Variants in PCDHGA10 observed in about 807,000 individuals in gnomAD.
The protein encoded by PCDHGA10 is protocadherin gamma-A10.
PCDHGA10 carries 42 observed loss-of-function variants against 59.5 expected under a neutral mutation model. The observed-to-expected ratio is 0.71, with a 90% CI of 0.55 to 0.91. PCDHGA10 has a LOEUF of 0.91. Ranked by LOEUF, PCDHGA10 falls within the 40% of genes least tolerant of loss-of-function variation. The probability of loss-of-function intolerance (pLI) is 0.00; values close to 1 mark genes in which losing one functional copy is unlikely to be tolerated. For missense variants in PCDHGA10, 1,111 were observed against 1,198.2 expected (o/e 0.93, Z 1.07); for synonymous variants, 511 against 517.2 (o/e 0.99, Z 0.16).
chr5:141,414,638 A>C lies in PCDHGA10; in HGVS notation c.1463A>C (p.Asn488Thr), dbSNP rs539861509. The C allele has an allele frequency of 7.8e-5, 126 of 1,613,988 alleles. 1 individual carries two copies. In the South Asian group the frequency reaches 1.3e-3, roughly 17 times the overall value. Reference protein sequence around the residue: ...VTALDPDSKENAQIIYSLAED... With the variant: ...VTALDPDSKETAQIIYSLAED... ...GCGCTGGACCCGGACAGCAAAGAGA[A>C]TGCCCAGATTATTTACTCCCTGGCT... The change falls in exon 1 of 4, where the codon AAT (asparagine) becomes ACT (threonine). Residue 488 changes from asparagine to threonine, a missense_variant. Asn to Thr is a moderately conservative substitution (Grantham distance 65). Coordinates refer to ENST00000398610, the MANE Select transcript of PCDHGA10 (RefSeq NM_018913.3).
chr5:141,474,608 T>C (rs1469173973), intron 1 of PCDHGA10, among the ~76,000 whole-genome samples: 1 of 152,268 alleles, frequency 6.6e-6, no homozygotes, highest in Non-Finnish European at 1.5e-5. Flanking sequence ...AGGTCACATA[T>C]GGCTTTTCAT....
rs950537869 is a variant in PCDHGA10, at chr5:141,432,150, A to G, written c.2436+16539A>G. 6.2e-7 allele frequency: 1 copy of G among 1,614,010 alleles called. No homozygotes were observed. On this transcript the variant is annotated intron_variant, in intron 1 of 3. Coordinates refer to ENST00000398610, the MANE Select transcript of PCDHGA10 (RefSeq NM_018913.3). The surrounding 1 kb of genome is among the most constrained non-coding windows in gnomAD (Gnocchi z 6.0). ...TCCTATTCCGCTTATATCCCAGAGA[A>G]CAATCCCAGAGGAGTTTCCCTCGTC...
intron 1 of PCDHGA10, among the ~76,000 whole-genome samples, chr5:141,481,293 TC>T (rs2099535148): frequency 6.6e-6 from 1 of 152,174 alleles, no homozygotes; most frequent in South Asian, 2.1e-4. Context: ...ATTTCAGTCA[TC>T]TAAGGGAAAA....
At position 141,491,456 on chromosome 5, in the gene PCDHGA10, C is replaced by G; in HGVS notation, c.2437-3351C>G. On this transcript the variant is annotated intron_variant, in intron 1 of 3. Transcript: ENST00000398610. The surrounding 1 kb of genome is among the most constrained non-coding windows in gnomAD (Gnocchi z 6.9). Reference sequence around the variant, plus strand: ...TGCAGGCGCCAGGACTCACCCTCCCCGGACTTCTATAAGCAGTCCAGCCCC... The same window carrying G: ...TGCAGGCGCCAGGACTCACCCTCCCGGGACTTCTATAAGCAGTCCAGCCCC... 1 of 1,614,104 alleles carries G rather than the reference C, an allele frequency of 6.2e-7. No homozygotes were observed. The highest frequency in any genetic ancestry group is 8.5e-7 in the Non-Finnish European group (1 of 1,180,010).
intron 1 of PCDHGA10, among the ~76,000 whole-genome samples, chr5:141,439,557 A>C (rs766239185): frequency 1.2e-4 from 19 of 152,178 alleles, no homozygotes; most frequent in Non-Finnish European, 2.2e-4. Context: ...TTCAGGCTGC[A>C]GTTCTAGAGT....
chr5:141,508,928 G>A (rs1475005703), intron 3 of PCDHGA10, among the ~76,000 whole-genome samples: 1 of 152,076 alleles, frequency 6.6e-6, no homozygotes, highest in East Asian at 1.9e-4. Flanking sequence ...TCCTTTTGGA[G>A]TTAATTAGGG....
rs758993148 is a variant in PCDHGA10 at position 141,430,863 on chromosome 5, T to C, written c.2436+15252T>C. On this transcript the variant is annotated intron_variant, in intron 1 of 3. Transcript: ENST00000398610. Reference sequence around the variant, plus strand: ...GGATGCACCCAGATACGCTATTCAGTTCCGGAAGAGCTGGAGAAAGGCTCT... The same window carrying C: ...GGATGCACCCAGATACGCTATTCAGCTCCGGAAGAGCTGGAGAAAGGCTCT... 8 of 1,594,990 alleles carry C rather than the reference T, an allele frequency of 5.0e-6. No individual in the cohort carries two copies. In the South Asian group the frequency reaches 8.0e-5, roughly 16 times the overall value.
intron 1 of PCDHGA10, chr5:141,422,082 G>A (rs2096622921): frequency 6.2e-7 from 1 of 1,612,284 alleles, no homozygotes; most frequent in East Asian, 2.2e-5. Context: ...TTCGGAACAT[G>A]GAAAGCAAGG....
intron 1 of PCDHGA10, among the ~76,000 whole-genome samples, chr5:141,484,764 A>G (rs1469048336): frequency 6.6e-6 from 1 of 151,806 alleles, no homozygotes; most frequent in African/African-American, 2.4e-5. Flanking sequence ...ATATATATAT[A>G]TGTTGTCTGC....
chr5:141,431,685 A>C lies in PCDHGA10; in HGVS notation c.2436+16074A>C. The C allele has an allele frequency of 6.2e-7, 1 of 1,614,246 alleles. No homozygotes were observed. Among genetic ancestry groups the C allele is most frequent in the East Asian group, 2.2e-5 (1 of 44,876 alleles). ...ATATCAACAATAGGGGAGTTGGACCACGAGGAGTCAGGATTCTACCAGATG... is the reference window on the plus strand; with the variant it reads ...ATATCAACAATAGGGGAGTTGGACCCCGAGGAGTCAGGATTCTACCAGATG... On this transcript the variant is annotated intron_variant, in intron 1 of 3. Transcript: ENST00000398610. This position sits in a 1 kb window ranked among gnomAD's most constrained non-coding sequence, Gnocchi z 4.8.
chr5:141,455,616 A>G (rs2154565146), intron 1 of PCDHGA10, among the ~76,000 whole-genome samples: 1 of 152,244 alleles, frequency 6.6e-6, no homozygotes, highest in South Asian at 2.1e-4. Flanking sequence ...GGATGTTCTA[A>G]ACACGTGGAG....
chr5:141,419,137 CA>C (rs1561778370), intron 1 of PCDHGA10: 1 of 1,613,892 alleles, frequency 6.2e-7, no homozygotes, highest in African/African-American at 1.3e-5. Flanking sequence ...CAGCCACAGA[CA>C]GGGGCAAGCC....
At position 141,489,503 on chromosome 5, in the gene PCDHGA10, A is replaced by T; in HGVS notation, c.2437-5304A>T. 1 of 1,614,092 alleles carries T rather than the reference A, an allele frequency of 6.2e-7. No homozygotes were observed. ...ATGAGTGGTGCCCTGGCAGTGAATC[A>T]AAAGATTGACCGAGAAAGCCTATGT... is the stretch of plus-strand genomic sequence containing the variant. On this transcript the variant is annotated intron_variant, in intron 1 of 3. Transcript: ENST00000398610. The surrounding 1 kb of genome is among the most constrained non-coding windows in gnomAD (Gnocchi z 4.5).
chr5:141,436,068 T>A (rs1343785335), intron 1 of PCDHGA10, among the ~76,000 whole-genome samples: 1 of 152,190 alleles, frequency 6.6e-6, no homozygotes, highest in Non-Finnish European at 1.5e-5. Flanking sequence ...ATTTAATAAG[T>A]ACAGTGTTCT....
intron 1 of PCDHGA10, among the ~76,000 whole-genome samples, chr5:141,457,674 A>G (rs577008886): frequency 2.9e-4 from 44 of 152,256 alleles, no homozygotes; most frequent in South Asian, 2.1e-4. Flanking sequence ...GGTTATTTCT[A>G]CATAGGACTT....
rs200580042 is a variant in PCDHGA10 at position 141,486,553 on chromosome 5, T to C, written c.2437-8254T>C. 5.4e-5 allele frequency: 87 copies of C among 1,614,028 alleles called. No individual in the cohort carries two copies. The highest frequency in any genetic ancestry group is 7.2e-5 in the Non-Finnish European group (85 of 1,180,046). On this transcript the variant is annotated intron_variant, in intron 1 of 3. Coordinates refer to ENST00000398610, the MANE Select transcript of PCDHGA10 (RefSeq NM_018913.3). The surrounding 1 kb of genome is among the most constrained non-coding windows in gnomAD (Gnocchi z 5.0). ...CACCCTCTTTCTTTCAGAGGTCACA[T>C]GAGGTGTTTGTTCCTGAGAACAATC...
At chr5:141,462,235 C>T (rs1389326284) in intron 1 of PCDHGA10, among the ~76,000 whole-genome samples, 1 of 152,206 alleles carries the variant, frequency 6.6e-6, no homozygotes, top group African/African-American at 2.4e-5. Flanking sequence ...GCAGGGATTA[C>T]AGGTATGAGC....
intron 3 of PCDHGA10, 73 bp from the exon 4 acceptor site, chr5:141,510,874 G>C: frequency 6.2e-7 from 1 of 1,610,126 alleles, no homozygotes; most frequent in Non-Finnish European, 8.5e-7. Context: ...TTCATTAACT[G>C]CTGGGGATAT....
chr5:141,419,742 T>G (rs1388509503), intron 1 of PCDHGA10: 3 of 1,613,742 alleles, frequency 1.9e-6, no homozygotes, highest in Non-Finnish European at 2.5e-6. Flanking sequence ...GAGGTGCGCA[T>G]GGTGCGTGCT....
Sources: gnomAD v4.1 joint callset for allele counts (sites outside exome capture counted in the v4.1 genomes callset) on GRCh38, gnomAD v4.1.1 for gene constraint, Gnocchi (gnomAD v3.1) non-coding constraint, MANE v1.5 for transcripts, NCBI Gene and HGNC (gene_info 2026-07-23, HGNC 2026-07-21) for gene names.